RAMP1: variants seen among roughly 807,000 people sequenced by gnomAD.
RAMP1 encodes the protein receptor activity-modifying protein 1.
Under a neutral mutation model 8.2 loss-of-function variants are expected in RAMP1, and 7 were observed. The observed-to-expected ratio is 0.85, with a 90% CI of 0.49 to 1.60. The LOEUF (loss-of-function observed/expected upper bound fraction) is 1.60, where lower values mean the gene tolerates loss of function less well. RAMP1 is among the 40% of genes most tolerant of loss of function. The pLI is 0.00. For missense variants in RAMP1, 192 were observed against 202.4 expected (o/e 0.95, Z 0.31); for synonymous variants, 92 against 84.7 (o/e 1.09, Z -0.47).
chr2:237,901,913 C>T (rs1421940626), intron 2 of RAMP1, among the ~76,000 whole-genome samples: 1 of 152,092 alleles, frequency 6.6e-6, no homozygotes, highest in Non-Finnish European at 1.5e-5. Context: ...ACCCATCCAC[C>T]AGGACGAGTC....
At chr2:237,893,874 A>T (rs2062510974) in intron 2 of RAMP1, among the ~76,000 whole-genome samples, 2 of 151,090 alleles carry the variant, frequency 1.3e-5, no homozygotes, top group South Asian at 4.3e-4. Flanking sequence ...CAGGAGGTGG[A>T]GGTTGCAGTG....
intron 1 of RAMP1, among the ~76,000 whole-genome samples, chr2:237,863,965 C>A (rs2062157358): frequency 6.6e-6 from 1 of 152,126 alleles, no homozygotes; most frequent in Non-Finnish European, 1.5e-5. Context: ...GAACCCCCAC[C>A]CCACCCACCA....
chr2:237,901,730 A>G (rs1182645773), intron 2 of RAMP1, among the ~76,000 whole-genome samples: 1 of 152,074 alleles, frequency 6.6e-6, no homozygotes, highest in Non-Finnish European at 1.5e-5. Flanking sequence ...AGGGTGTGGG[A>G]TGTGGCCTGG....
At chr2:237,911,472 C>T in intron 2 of RAMP1, 56 bp from the exon 3 acceptor site, 1 of 1,594,782 alleles carries the variant, frequency 6.3e-7, no homozygotes, top group Non-Finnish European at 8.6e-7. Context: ...GGGCTGGGGT[C>T]CCGCGTTGGA....
intron 2 of RAMP1, among the ~76,000 whole-genome samples, chr2:237,908,525 C>T (rs1464179961): frequency 1.3e-5 from 2 of 152,072 alleles, no homozygotes; most frequent in Non-Finnish European, 2.9e-5. Context: ...GCAACCTCCA[C>T]CTCCTGGGTT....
intron 2 of RAMP1, among the ~76,000 whole-genome samples, chr2:237,897,906 C>T (rs1306057691): frequency 6.6e-6 from 1 of 152,152 alleles, no homozygotes; most frequent in Non-Finnish European, 1.5e-5. Flanking sequence ...TCAAGCCATT[C>T]TCCTGCCTCA....
rs189647523 is a variant in RAMP1 at position 237,895,346 on chromosome 2, C to T, written c.192-16182C>T. Among the ~76,000 whole-genome samples the T allele has an allele frequency of 6.4e-4, 97 of 152,264 alleles. 1 individual carries two copies. The East Asian group carries it at 0.018, about 28-fold the overall frequency. Reference sequence around the variant, plus strand: ...TGGCCCTCTGAGGGAGTTCTCACCACGCTGCTGCTGTGAGCCAGGGATCAC... The same window carrying T: ...TGGCCCTCTGAGGGAGTTCTCACCATGCTGCTGCTGTGAGCCAGGGATCAC... On this transcript the variant is annotated intron_variant, in intron 2 of 2. Coordinates refer to ENST00000254661, the MANE Select transcript of RAMP1 (RefSeq NM_005855.4).
At chr2:237,907,706 T>C (rs1576559345) in intron 2 of RAMP1, among the ~76,000 whole-genome samples, 1 of 152,240 alleles carries the variant, frequency 6.6e-6, no homozygotes, top group East Asian at 1.9e-4. Flanking sequence ...TCATGCATAT[T>C]GTCTGCCATT....
intron 2 of RAMP1, among the ~76,000 whole-genome samples, chr2:237,888,537 C>T (rs2151014800): frequency 6.6e-6 from 1 of 152,286 alleles, no homozygotes; most frequent in Admixed American, 6.5e-5. Context: ...ATGTCTTTGG[C>T]AATTAGGAAA....
intron 2 of RAMP1, among the ~76,000 whole-genome samples, chr2:237,885,363 G>A (rs1253608740): frequency 1.3e-5 from 2 of 152,182 alleles, no homozygotes; most frequent in Non-Finnish European, 2.9e-5. Flanking sequence ...TGGCCCTGGA[G>A]CCCACCCACC....
At chr2:237,883,641 C>T (rs2062395859) in intron 2 of RAMP1, among the ~76,000 whole-genome samples, 1 of 152,050 alleles carries the variant, frequency 6.6e-6, no homozygotes, top group Non-Finnish European at 1.5e-5. Flanking sequence ...CAAAGTGAGA[C>T]TCCATCTCTA....
In RAMP1 at chr2:237,885,439, C is replaced by G. The variant is rs149738439; in HGVS notation, c.191+8077C>G. Among the ~76,000 whole-genome samples, 1,482 of 152,370 alleles carry G rather than the reference C, an allele frequency of 9.7e-3. 16 individuals carry two copies. Among genetic ancestry groups the G allele is most frequent in the Middle Eastern group, 0.017 (5 of 294 alleles). On this transcript the variant is annotated intron_variant, in intron 2 of 2. Coordinates refer to ENST00000254661, the MANE Select transcript of RAMP1 (RefSeq NM_005855.4). ...GCATCTGGGGCTGCCTCGGTGCCCTCGTGGGTTTGTTCATGGCGGTGTCCG... is the reference window on the plus strand; with the variant it reads ...GCATCTGGGGCTGCCTCGGTGCCCTGGTGGGTTTGTTCATGGCGGTGTCCG...
intron 2 of RAMP1, among the ~76,000 whole-genome samples, chr2:237,880,967 A>G (rs1371104544): frequency 1.3e-5 from 2 of 152,234 alleles, no homozygotes; most frequent in Admixed American, 1.3e-4. Flanking sequence ...AGGTGTGTTC[A>G]GACAACTGGC....
At chr2:237,890,553 T>C (rs1253983563) in intron 2 of RAMP1, among the ~76,000 whole-genome samples, 3 of 152,172 alleles carry the variant, frequency 2.0e-5, no homozygotes, top group Non-Finnish European at 4.4e-5. Flanking sequence ...TTTGAATGAA[T>C]TCATCACTAA....
intron 1 of RAMP1, 59 bp downstream of exon 1, chr2:237,859,786 AG>A: frequency 8.9e-6 from 8 of 896,912 alleles, no homozygotes; most frequent in Admixed American, 3.2e-5. Flanking sequence ...GGTGTCCTCT[AG>A]GGGAGAGGAG....
intron 2 of RAMP1, among the ~76,000 whole-genome samples, chr2:237,882,910 A>G (rs1465727946): frequency 6.6e-6 from 1 of 152,114 alleles, no homozygotes; most frequent in Non-Finnish European, 1.5e-5. Flanking sequence ...CCAGACAGCC[A>G]GGTGGCTGGC....
chr2:237,896,337 T>C (rs1319632628), intron 2 of RAMP1, among the ~76,000 whole-genome samples: 1 of 152,146 alleles, frequency 6.6e-6, no homozygotes, highest in Non-Finnish European at 1.5e-5. Context: ...TGGCTGCACA[T>C]GGAGCCAGGG....
intron 1 of RAMP1, among the ~76,000 whole-genome samples, chr2:237,872,042 A>G (rs2062250794): frequency 6.6e-6 from 1 of 152,214 alleles, no homozygotes; most frequent in South Asian, 2.1e-4. Context: ...GGATGCTGAG[A>G]ATAGTTTACT....
chr2:237,884,810 C>T (rs901295366), intron 2 of RAMP1, among the ~76,000 whole-genome samples: 23 of 152,376 alleles, frequency 1.5e-4, no homozygotes, highest in South Asian at 8.3e-4. Flanking sequence ...GCTTTGGTTA[C>T]CCGAGGCTGT....
Sources: gnomAD v4.1 joint callset for allele counts (sites outside exome capture counted in the v4.1 genomes callset) on GRCh38, gnomAD v4.1.1 for gene constraint, MANE v1.5 for transcripts, NCBI Gene and HGNC (gene_info 2026-07-23, HGNC 2026-07-21) for gene names.